NRXN1: variants seen among roughly 807,000 people sequenced by gnomAD.
The protein encoded by NRXN1 is neurexin 1, also known as neurexin-1.
Under a neutral mutation model 150.9 loss-of-function variants are expected in NRXN1, and 39 were observed. The ratio of observed to expected loss-of-function variants is 0.26; its 90% CI spans 0.20 to 0.34. NRXN1 has a LOEUF of 0.34. NRXN1 is among the 10% of genes least tolerant of loss of function. The probability of loss-of-function intolerance (pLI) is 1.00; values close to 1 mark genes in which losing one functional copy is unlikely to be tolerated. For missense variants in NRXN1, 1,815 were observed against 1,949.9 expected, an observed-to-expected ratio of 0.93 and a Z score of 1.30; for synonymous variants, 924 against 757.0, an observed-to-expected ratio of 1.22 and a Z score of -3.62.
At chr2:50,248,487 T>C (rs1220041442) in intron 17 of NRXN1, among the ~76,000 whole-genome samples, 1 of 152,174 alleles carries the variant, frequency 6.6e-6, no homozygotes, top group Non-Finnish European at 1.5e-5. Flanking sequence ...ATAAATTTGC[T>C]TAACGCAGAG....
chr2:50,510,549 T>C (rs1195371697), intron 12 of NRXN1, among the ~76,000 whole-genome samples: 1 of 129,898 alleles, frequency 7.7e-6, no homozygotes, highest in East Asian at 2.5e-4. Context: ...AGAAAGACCA[T>C]AGCCTTATGT....
chr2:50,619,923 G>C, intron 8 of NRXN1, 99 bp downstream of exon 8: 1 of 1,098,040 alleles, frequency 9.1e-7, no homozygotes, highest in Non-Finnish European at 1.3e-6. Context: ...TGTGCCGTTT[G>C]ACTCTGGAAC....
chr2:50,811,717 G>C (rs889549581), intron 5 of NRXN1, among the ~76,000 whole-genome samples: 2 of 152,118 alleles, frequency 1.3e-5, no homozygotes, highest in African/African-American at 2.4e-5. Flanking sequence ...GTAGTGCCTT[G>C]AATGTCTTTG....
Position 50,286,926 on chromosome 2 carries a change from C to G in NRXN1, c.3365-49956G>C, listed in dbSNP as rs2152939044. ...ACCATTGCTGCTGCTTCTTCCTCTT[C>G]TTCCTGTTATCATTATTTTACAATA... is the stretch of plus-strand genomic sequence containing the variant. On this transcript the variant is annotated intron_variant, in intron 17 of 22. Coordinates refer to ENST00000401669, the MANE Select transcript of NRXN1 (RefSeq NM_001330078.2). Among the ~76,000 whole-genome samples the G allele has an allele frequency of 2.0e-5, 3 of 152,168 alleles. No homozygotes were observed. The Middle Eastern group carries it at 0.01, about 518-fold the overall frequency.
chr2:50,170,211 A>C (rs749183844), intron 18 of NRXN1, among the ~76,000 whole-genome samples: 8 of 152,036 alleles, frequency 5.3e-5, no homozygotes, highest in Non-Finnish European at 1.0e-4. Context: ...AAAAATTTGA[A>C]GTTTGAAATG....
At chr2:50,025,524 A>G (rs1240827394) in intron 21 of NRXN1, among the ~76,000 whole-genome samples, 2 of 152,242 alleles carry the variant, frequency 1.3e-5, no homozygotes, top group Non-Finnish European at 2.9e-5. Flanking sequence ...TCTTCAGGAA[A>G]GTAGCTAAAG....
intron 17 of NRXN1, among the ~76,000 whole-genome samples, chr2:50,249,437 G>T (rs917030113): frequency 3.3e-5 from 5 of 151,980 alleles, no homozygotes; most frequent in Admixed American, 1.3e-4. Context: ...GAAATATATT[G>T]CTGGAGACAG....
chr2:50,895,254 G>A (rs1259886506), intron 5 of NRXN1, among the ~76,000 whole-genome samples: 1 of 152,146 alleles, frequency 6.6e-6, no homozygotes, highest in Non-Finnish European at 1.5e-5. Flanking sequence ...TTTTATGAGT[G>A]TTAAGTAAGG....
At position 50,690,175 on chromosome 2, in the gene NRXN1, C is replaced by T. The variant is rs1051313891; in HGVS notation, c.833-66560G>A. On this transcript the variant is annotated intron_variant, in intron 5 of 22. Transcript: ENST00000401669. ...TGAATAACAACTCTAAACAGAATGC[C>T]GTGATGTCAACATTTCATTTTCACA... 3.3e-5 allele frequency among the ~76,000 whole-genome samples: 5 copies of T among 152,132 alleles called. No individual in the cohort carries two copies. In the South Asian group the frequency reaches 6.2e-4, roughly 19 times the overall value.
At chr2:50,701,207 A>C (rs1389658725) in intron 5 of NRXN1, among the ~76,000 whole-genome samples, 1 of 152,166 alleles carries the variant, frequency 6.6e-6, no homozygotes, top group African/African-American at 2.4e-5. Context: ...GCATAAAAAT[A>C]TACAGAGAAA....
chr2:50,019,830 C>T (rs1687252601), intron 21 of NRXN1, among the ~76,000 whole-genome samples: 1 of 148,994 alleles, frequency 6.7e-6, no homozygotes, highest in South Asian at 2.1e-4. Flanking sequence ...CGCCTATAGT[C>T]CCAGCTACTC....
At chr2:50,316,910 T>C (rs760971516) in intron 17 of NRXN1, among the ~76,000 whole-genome samples, 2 of 151,972 alleles carry the variant, frequency 1.3e-5, no homozygotes, top group Non-Finnish European at 2.9e-5. Context: ...TTCTTTTAGG[T>C]AACTTTTTTA....
chr2:50,764,155 T>C (rs1031906256), intron 5 of NRXN1, among the ~76,000 whole-genome samples: 1 of 151,712 alleles, frequency 6.6e-6, no homozygotes, highest in Non-Finnish European at 1.5e-5. Flanking sequence ...TAGAGCAACA[T>C]ATCCCCCTCT....
At chr2:50,225,397 T>C (rs753475653) in intron 18 of NRXN1, among the ~76,000 whole-genome samples, 9 of 151,986 alleles carry the variant, frequency 5.9e-5, no homozygotes, top group Admixed American at 1.3e-4. Context: ...TAAAGATACA[T>C]AGTATTATAC....
chr2:50,159,755 T>C (rs977028953), intron 18 of NRXN1, among the ~76,000 whole-genome samples: 4 of 151,998 alleles, frequency 2.6e-5, no homozygotes, highest in Non-Finnish European at 5.9e-5. Context: ...ATAGGAAAAA[T>C]GTCTTGGGAG....
intron 18 of NRXN1, among the ~76,000 whole-genome samples, chr2:50,229,161 T>C (rs530748614): frequency 1.3e-5 from 2 of 152,204 alleles, no homozygotes; most frequent in African/African-American, 2.4e-5. Flanking sequence ...TAAATAAACT[T>C]GCCCATGTCT....
intron 2 of NRXN1, among the ~76,000 whole-genome samples, chr2:51,021,896 G>C (rs1424226579): frequency 2.6e-5 from 4 of 152,018 alleles, no homozygotes; most frequent in Non-Finnish European, 5.9e-5. Context: ...TGAAAGCATA[G>C]TTTCTACATA....
intron 18 of NRXN1, among the ~76,000 whole-genome samples, chr2:50,135,895 T>C (rs1706332077): frequency 6.6e-6 from 1 of 152,156 alleles, no homozygotes; most frequent in African/African-American, 2.4e-5. Context: ...AGACATAACA[T>C]GGATAATGTA....
At chr2:50,803,587 G>A (rs564184852) in intron 5 of NRXN1, among the ~76,000 whole-genome samples, 16 of 152,228 alleles carry the variant, frequency 1.1e-4, no homozygotes, top group Middle Eastern at 3.4e-3. Context: ...GAATTCTCCT[G>A]AGTTCTCTTC....
Sources: allele counts gnomAD v4.1 joint callset (sites outside exome capture counted in the v4.1 genomes callset), GRCh38; gene constraint gnomAD v4.1.1; transcripts MANE v1.5; gene names NCBI Gene and HGNC (gene_info 2026-07-23, HGNC 2026-07-21).